Variants in B3GALT1 observed in about 807,000 individuals in gnomAD.
B3GALT1 encodes the protein UDP-Gal:betaGlcNAc beta 1,3-galactosyltransferase, polypeptide 1.
B3GALT1 carries 10 observed loss-of-function variants against 23.2 expected under a neutral mutation model. The ratio of observed to expected loss-of-function variants is 0.43; its 90% CI spans 0.27 to 0.73. B3GALT1 has a LOEUF of 0.73. Ranked by LOEUF, B3GALT1 falls within the 30% of genes least tolerant of loss-of-function variation. The pLI is 0.21. For synonymous variants in B3GALT1, 156 were observed against 141.5 expected (o/e 1.10, Z -0.73); for missense variants, 299 against 405.4 (o/e 0.74, Z 2.25).
chr2:167,647,516 C>T (rs999046428), intron 3 of B3GALT1, among the ~76,000 whole-genome samples: 1 of 152,016 alleles, frequency 6.6e-6, no homozygotes, highest in Non-Finnish European at 1.5e-5. Flanking sequence ...CTAATTTTTC[C>T]AGAGTATCCT....
At chr2:167,784,586 T>C (rs938353663) in intron 3 of B3GALT1, among the ~76,000 whole-genome samples, 5 of 152,180 alleles carry the variant, frequency 3.3e-5, no homozygotes, top group African/African-American at 1.2e-4. Flanking sequence ...GCCACTCTAT[T>C]TGTAATAGCA....
chr2:167,463,065 A>AG (rs563886145), intron 1 of B3GALT1, among the ~76,000 whole-genome samples: 36 of 152,114 alleles, frequency 2.4e-4, no homozygotes, highest in Non-Finnish European at 4.4e-4. Context: ...CTTTTCCTGA[A>AG]GGTACAACTT....
chr2:167,736,111 A>T (rs1361246353), intron 3 of B3GALT1, among the ~76,000 whole-genome samples: 1 of 152,206 alleles, frequency 6.6e-6, no homozygotes, highest in Non-Finnish European at 1.5e-5. Context: ...TAGAAATTTC[A>T]GGATCTGAAC....
At chr2:167,452,517 C>T (rs1273309697) in intron 1 of B3GALT1, among the ~76,000 whole-genome samples, 1 of 152,200 alleles carries the variant, frequency 6.6e-6, no homozygotes, top group East Asian at 1.9e-4. Context: ...CCCTTTTTCA[C>T]ACTTTCACAC....
chr2:167,472,765 C>CT (rs1180348310), intron 1 of B3GALT1, among the ~76,000 whole-genome samples: 5 of 151,992 alleles, frequency 3.3e-5, no homozygotes, highest in African/African-American at 1.2e-4. Context: ...GAAGTATAGT[C>CT]TTTATTTGGC....
chr2:167,331,465 C>A (rs1366358715), intron 1 of B3GALT1, among the ~76,000 whole-genome samples: 2 of 152,108 alleles, frequency 1.3e-5, no homozygotes, highest in African/African-American at 4.8e-5. Flanking sequence ...CCATGTGGTC[C>A]ATGCTGGTGT....
chr2:167,572,074 CATATT>C (rs1684303071), intron 2 of B3GALT1, among the ~76,000 whole-genome samples: 1 of 151,628 alleles, frequency 6.6e-6, no homozygotes, highest in Admixed American at 6.6e-5. Flanking sequence ...TGGCCAACAT[CATATT>C]ATGTTATTAG....
intron 1 of B3GALT1, among the ~76,000 whole-genome samples, chr2:167,327,426 C>A (rs1471367820): frequency 6.6e-6 from 1 of 152,036 alleles, no homozygotes; most frequent in Non-Finnish European, 1.5e-5. Context: ...CAGTTTCTTT[C>A]GTCAATGTTT....
intron 1 of B3GALT1, among the ~76,000 whole-genome samples, chr2:167,437,375 T>C (rs533509345): frequency 6.6e-6 from 1 of 152,340 alleles, no homozygotes; most frequent in African/African-American, 2.4e-5. Flanking sequence ...CTTTAAGTTA[T>C]GCTTCCTGTG....
chr2:167,372,292 T>C (rs1312133952), intron 1 of B3GALT1, among the ~76,000 whole-genome samples: 1 of 152,092 alleles, frequency 6.6e-6, no homozygotes, highest in East Asian at 1.9e-4. Flanking sequence ...CCAACACACA[T>C]TTATGAATTT....
At chr2:167,811,765 G>T (rs1481857933) in intron 3 of B3GALT1, among the ~76,000 whole-genome samples, 1 of 152,136 alleles carries the variant, frequency 6.6e-6, no homozygotes, top group East Asian at 1.9e-4. Context: ...CAATACAGCT[G>T]CCAGCATCTG....
At chr2:167,671,256 C>T (rs931495391) in intron 3 of B3GALT1, among the ~76,000 whole-genome samples, 2 of 151,736 alleles carry the variant, frequency 1.3e-5, no homozygotes, top group African/African-American at 4.8e-5. Flanking sequence ...ATAGATCATC[C>T]AGAAAAAAAA....
chr2:167,816,490 T>TATG (rs1287400290), intron 3 of B3GALT1, among the ~76,000 whole-genome samples: 1 of 152,170 alleles, frequency 6.6e-6, no homozygotes, highest in African/African-American at 2.4e-5. Context: ...CAGTGAATGC[T>TATG]ATGATGACTA....
chr2:167,730,178 C>T (rs1466390962), intron 3 of B3GALT1, among the ~76,000 whole-genome samples: 1 of 152,184 alleles, frequency 6.6e-6, no homozygotes, highest in African/African-American at 2.4e-5. Flanking sequence ...GGCGCTCATC[C>T]ACAATGTTGC....
intron 2 of B3GALT1, among the ~76,000 whole-genome samples, chr2:167,529,253 C>A (rs1314138121): frequency 6.6e-6 from 1 of 152,020 alleles, no homozygotes; most frequent in Non-Finnish European, 1.5e-5. Context: ...ATTCCCATAA[C>A]CCTAAATGCT....
chr2:167,309,314 A>C (rs1696600295), intron 1 of B3GALT1, among the ~76,000 whole-genome samples: 1 of 152,026 alleles, frequency 6.6e-6, no homozygotes, highest in South Asian at 2.1e-4. Context: ...TTCTAAGCTA[A>C]ATTAATGTAC....
rs538583169 is a variant in B3GALT1 at position 167,484,621 on chromosome 2, G to T, written c.-510-5556G>T. On this transcript the variant is annotated intron_variant, in intron 1 of 4. Transcript: ENST00000392690. ...CTGAAGACCTGGAATCAATAGAAAG[G>T]AGTGTCTAGGTTAAGAAGAGATTGT... Among the ~76,000 whole-genome samples, 33 of 152,316 alleles carry T rather than the reference G, an allele frequency of 2.2e-4. 1 individual carries two copies. The South Asian group carries it at 5.0e-3, about 23-fold the overall frequency.
chr2:167,357,032 A>G (rs1042011094), intron 1 of B3GALT1, among the ~76,000 whole-genome samples: 10 of 150,932 alleles, frequency 6.6e-5, no homozygotes, highest in African/African-American at 9.8e-5. Flanking sequence ...GTGTGTGTGT[A>G]TATATATATA....
At chr2:167,719,014 A>G (rs1687192526) in intron 3 of B3GALT1, among the ~76,000 whole-genome samples, 1 of 152,220 alleles carries the variant, frequency 6.6e-6, no homozygotes, top group African/African-American at 2.4e-5. Context: ...CTTCAGTAGG[A>G]AAGATGTTTG....
Sources: gnomAD v4.1 joint callset for allele counts (sites outside exome capture counted in the v4.1 genomes callset) on GRCh38, gnomAD v4.1.1 for gene constraint, MANE v1.5 for transcripts, NCBI Gene and HGNC (gene_info 2026-07-23, HGNC 2026-07-21) for gene names.